MACROD2: variants seen among roughly 807,000 people sequenced by gnomAD.
MACROD2 encodes mono-ADP ribosylhydrolase 2.
A neutral mutation model predicts 70.4 loss-of-function variants in MACROD2; 36 were observed. The observed-to-expected ratio is 0.51, with a 90% CI of 0.39 to 0.68. The LOEUF (loss-of-function observed/expected upper bound fraction) is 0.68, where lower values mean the gene tolerates loss of function less well. Ranked by LOEUF, MACROD2 falls within the 30% of genes least tolerant of loss-of-function variation. MACROD2 has a pLI of 0.00. For missense variants in MACROD2, 496 were observed against 538.4 expected, an observed-to-expected ratio of 0.92 and a Z score of 0.78; for synonymous variants, 172 against 178.8, an observed-to-expected ratio of 0.96 and a Z score of 0.30.
chr20:15,503,691 G>A (rs1381589601), intron 8 of MACROD2, among the ~76,000 whole-genome samples: 7 of 152,078 alleles, frequency 4.6e-5, no homozygotes, highest in Non-Finnish European at 1.0e-4. Flanking sequence ...CATGTTGCAT[G>A]TTATCTTTTA....
At chr20:14,327,690 A>G (rs1341583893) in intron 3 of MACROD2, 7 of 635,294 alleles carry the variant, frequency 1.1e-5, no homozygotes, top group Non-Finnish European at 1.8e-5. Context: ...GGGAGGGGGC[A>G]TAATAGGGTT....
At chr20:15,541,771 T>C (rs1226359751) in intron 8 of MACROD2, among the ~76,000 whole-genome samples, 1 of 152,202 alleles carries the variant, frequency 6.6e-6, no homozygotes, top group Non-Finnish European at 1.5e-5. Flanking sequence ...GCTAAATACA[T>C]CCAGTTGCTG....
chr20:15,487,075 T>C (rs2047172442), intron 7 of MACROD2, among the ~76,000 whole-genome samples: 1 of 152,178 alleles, frequency 6.6e-6, no homozygotes, highest in Non-Finnish European at 1.5e-5. Context: ...TCTCTTTCCA[T>C]ACCAGCAAAC....
chr20:14,767,213 A>G (rs1045629654), intron 5 of MACROD2, among the ~76,000 whole-genome samples: 4 of 152,162 alleles, frequency 2.6e-5, no homozygotes, highest in Admixed American at 6.6e-5. Flanking sequence ...CCAAATGAAA[A>G]GAAATAAACA....
chr20:15,900,486 T>C (rs947161446), intron 10 of MACROD2, among the ~76,000 whole-genome samples: 1 of 152,192 alleles, frequency 6.6e-6, no homozygotes, highest in Non-Finnish European at 1.5e-5. Context: ...TATTTTCATT[T>C]GTACTGGTGC....
intron 3 of MACROD2, among the ~76,000 whole-genome samples, chr20:14,459,999 G>C (rs1029960035): frequency 6.6e-6 from 1 of 152,012 alleles, no homozygotes; most frequent in African/African-American, 2.4e-5. Context: ...TCCTGTGTTA[G>C]TTTGCTGAGA....
chr20:15,197,803 C>G (rs1258382366), intron 5 of MACROD2, among the ~76,000 whole-genome samples: 1 of 151,244 alleles, frequency 6.6e-6, no homozygotes, highest in Non-Finnish European at 1.5e-5. Context: ...CTCAAGTAAT[C>G]CTCCCATCTC....
chr20:14,242,650 A>T (rs2081939082), intron 3 of MACROD2, among the ~76,000 whole-genome samples: 1 of 152,158 alleles, frequency 6.6e-6, no homozygotes, highest in Non-Finnish European at 1.5e-5. Context: ...AATGTATGTA[A>T]TTTCTGTGAA....
rs187089605 is a variant in MACROD2 at position 15,702,028 on chromosome 20, G to T, written c.646-160717G>T. On this transcript the variant is annotated intron_variant, in intron 8 of 17. Transcript: ENST00000684519. ...TTTTATGGCTATGTAGTATTCCAGA[G>T]TGTATATGTACCACATTTCCTTTAT... 1.6e-3 allele frequency among the ~76,000 whole-genome samples: 247 copies of T among 152,310 alleles called. 1 individual carries two copies. The highest frequency in any genetic ancestry group is 0.012 in the South Asian group (57 of 4,830).
chr20:15,276,659 G>A (rs2146079372), intron 6 of MACROD2, among the ~76,000 whole-genome samples: 1 of 152,068 alleles, frequency 6.6e-6, no homozygotes, highest in African/African-American at 2.4e-5. Context: ...ACTCTCTATG[G>A]TGTATTTTCA....
intron 4 of MACROD2, among the ~76,000 whole-genome samples, chr20:14,679,056 C>A (rs954485540): frequency 1.3e-5 from 2 of 151,850 alleles, no homozygotes; most frequent in Admixed American, 6.6e-5. Flanking sequence ...TGGGGATATA[C>A]AAAAGAATAA....
At chr20:15,320,137 G>A (rs1474543941) in intron 6 of MACROD2, among the ~76,000 whole-genome samples, 2 of 152,244 alleles carry the variant, frequency 1.3e-5, no homozygotes, top group East Asian at 3.9e-4. Flanking sequence ...CCAAGAGGTG[G>A]AGGTTGCGGT....
chr20:15,856,165 C>T (rs1466552701), intron 8 of MACROD2, among the ~76,000 whole-genome samples: 1 of 152,162 alleles, frequency 6.6e-6, no homozygotes, highest in East Asian at 1.9e-4. Flanking sequence ...AAGTTCCTGT[C>T]AGTCTATATC....
intron 5 of MACROD2, among the ~76,000 whole-genome samples, chr20:14,803,970 C>T (rs2072608695): frequency 6.6e-6 from 1 of 151,956 alleles, no homozygotes; most frequent in Admixed American, 6.6e-5. Flanking sequence ...AGTTTATAAA[C>T]ATTTATAATT....
At chr20:14,386,186 T>G (rs2083466352) in intron 3 of MACROD2, among the ~76,000 whole-genome samples, 1 of 152,180 alleles carries the variant, frequency 6.6e-6, no homozygotes, top group African/African-American at 2.4e-5. Flanking sequence ...CAAGAACATA[T>G]TTTTAGGAAG....
intron 3 of MACROD2, among the ~76,000 whole-genome samples, chr20:14,233,621 C>T (rs183304045): frequency 1.1e-3 from 164 of 148,012 alleles, no homozygotes; most frequent in Non-Finnish European, 1.8e-3. Context: ...GGCCTGAACC[C>T]GGGAGGCAGA....
intron 5 of MACROD2, among the ~76,000 whole-genome samples, chr20:15,006,147 G>A (rs1026850884): frequency 1.8e-3 from 268 of 147,250 alleles, no homozygotes; most frequent in African/African-American, 6.4e-3. Context: ...ATATATGTGT[G>A]TGTGTGTGTG....
intron 9 of MACROD2, among the ~76,000 whole-genome samples, chr20:15,877,528 G>C (rs2064692976): frequency 6.6e-6 from 1 of 152,030 alleles, no homozygotes; most frequent in Admixed American, 6.6e-5. Context: ...TTAGCAATTT[G>C]TTAGATGCAG....
intron 3 of MACROD2, among the ~76,000 whole-genome samples, chr20:14,476,819 C>T (rs899488952): frequency 6.6e-6 from 1 of 152,168 alleles, no homozygotes; most frequent in African/African-American, 2.4e-5. Context: ...GTAATTTGGT[C>T]TAATCCTTTC....
Sources: gnomAD v4.1 joint callset for allele counts (sites outside exome capture counted in the v4.1 genomes callset) on GRCh38, gnomAD v4.1.1 for gene constraint, MANE v1.5 for transcripts, NCBI Gene and HGNC (gene_info 2026-07-23, HGNC 2026-07-21) for gene names.